The following GCSH variants were observed in gnomAD, a reference collection of about 807,000 sequenced individuals.
GCSH encodes the protein glycine cleavage system protein H, also known as glycine cleavage system H protein, mitochondrial.
GCSH carries 15 observed loss-of-function variants against 21.3 expected under a neutral mutation model. The ratio of observed to expected loss-of-function variants is 0.70; its 90% confidence interval spans 0.47 to 1.08. The LOEUF is 1.08. Ranked by LOEUF, GCSH falls within the 50% of genes least tolerant of loss-of-function variation. GCSH has a pLI of 0.00. For synonymous variants in GCSH, 59 were observed against 84.5 expected, an observed-to-expected ratio of 0.70 and a Z score of 1.66; for missense variants, 179 against 217.5, an observed-to-expected ratio of 0.82 and a Z score of 1.11.
chr16:81,087,650 A>G lies in GCSH; in HGVS notation c.243T>C (p.Asp81=). 1 of 1,611,590 alleles carries G rather than the reference A, an allele frequency of 6.2e-7. No homozygotes were observed. Among genetic ancestry groups the G allele is most frequent in the Non-Finnish European group, 8.5e-7 (1 of 1,177,892 alleles). Reference sequence around the variant, plus strand: ...CTTCAGGGAGACTACAATAAACAACATCTCCCAACGCTTCCTAAATAAAAC... The same window carrying G: ...CTTCAGGGAGACTACAATAAACAACGTCTCCCAACGCTTCCTAAATAAAAC... ...ISNFAQEALG[D]VVYCSLPEVG... The change falls in exon 3 of 5, where the codon GAT becomes GAC. Residue 81 remains aspartate (D), a synonymous_variant. Transcript: ENST00000315467.
intron 2 of GCSH, among the ~76,000 whole-genome samples, chr16:81,088,785 T>G (rs867830548): frequency 2.0e-5 from 3 of 152,148 alleles, no homozygotes; most frequent in Admixed American, 6.6e-5. Flanking sequence ...CCCAAAGCAT[T>G]TGCTGAAATC....
At chr16:81,085,885 G>A (rs1182896425) in intron 3 of GCSH, among the ~76,000 whole-genome samples, 167 of 412 alleles carry the variant, frequency 0.41, 24 homozygotes, top group East Asian at 1. Context: ...GGCCGGGCGC[G>A]GTGGCTCACG....
Position 81,096,380 on chromosome 16 carries a change from G to T in GCSH, c.-102C>A. The T allele has an allele frequency of 1.0e-6, 1 of 961,306 alleles. No individual in the cohort carries two copies. The highest frequency in any genetic ancestry group is 1.4e-6 in the Non-Finnish European group (1 of 718,828). The allele number at this position is 961,306 out of a possible 1,614,324, so 59.5% of individuals were successfully genotyped here. A position where few individuals can be genotyped will look rare whatever the true frequency, so the allele number is the denominator to read the frequency against. ...GCGGCCGGAGGGAGCCGGCTGGATGGAGGCGCGGAGGCGGTGCCGCGGGGG... is the reference window on the plus strand; with the variant it reads ...GCGGCCGGAGGGAGCCGGCTGGATGTAGGCGCGGAGGCGGTGCCGCGGGGG... On this transcript the variant is annotated 5_prime_UTR_variant, in exon 1 of 5. Transcript: ENST00000315467.
intron 2 of GCSH, among the ~76,000 whole-genome samples, chr16:81,089,156 C>T (rs191903521): frequency 1.3e-5 from 2 of 152,324 alleles, no homozygotes; most frequent in East Asian, 3.9e-4. Context: ...CAACAGACCA[C>T]ATATATGACA....
intron 1 of GCSH, among the ~76,000 whole-genome samples, chr16:81,093,111 A>C (rs1463530379): frequency 6.6e-6 from 1 of 151,684 alleles, no homozygotes; most frequent in Non-Finnish European, 1.5e-5. Context: ...GCGACTAGCG[A>C]AACTTCATCT....
chr16:81,090,088 C>G (rs1363670450), intron 2 of GCSH, among the ~76,000 whole-genome samples: 1 of 150,786 alleles, frequency 6.6e-6, no homozygotes, highest in Non-Finnish European at 1.5e-5. Context: ...TTCTTACTTT[C>G]TTTCTTTCTT....
intron 1 of GCSH, among the ~76,000 whole-genome samples, chr16:81,094,800 G>A (rs5023852): frequency 0.87 from 131,851 of 152,146 alleles, 57,655 homozygotes; most frequent in South Asian, 0.97. Flanking sequence ...ACATTTGGGC[G>A]TAAAGAAAAT....
At chr16:81,087,705 ATAAC>A (rs764875240) in intron 2 of GCSH, 41 bp from the exon 3 acceptor site, 1 of 1,353,540 alleles carries the variant, frequency 7.4e-7, no homozygotes, top group Non-Finnish European at 1.1e-6. Flanking sequence ...CTAAGAAGTT[ATAAC>A]TAAACCCTCC....
In GCSH at chr16:81,082,445, A is replaced by T. The variant is rs8177956; in HGVS notation, c.*421T>A. The T allele has an allele frequency of 1.2e-3, 462 of 390,666 alleles. 1 individual carries two copies. Among genetic ancestry groups the T allele is most frequent in the Admixed American group, 2.1e-3 (64 of 30,554 alleles). 24.2% of individuals were successfully genotyped at this position (390,666 alleles called of 1,614,324 possible). A position where few individuals can be genotyped will look rare whatever the true frequency, so the allele number is the denominator to read the frequency against. On this transcript the variant is annotated 3_prime_UTR_variant, in exon 5 of 5. Transcript: ENST00000315467. ...TGGTGTTCCTCATCTGACACTGTACAAGCAACAAAACCTCTTCACTTCCAG... is the reference window on the plus strand; with the variant it reads ...TGGTGTTCCTCATCTGACACTGTACTAGCAACAAAACCTCTTCACTTCCAG...
rs561123581 is a variant in GCSH, at chr16:81,096,304, C to A, written c.-26G>T. 4 of 1,354,714 alleles carry A rather than the reference C, an allele frequency of 3.0e-6. No individual in the cohort carries two copies. The highest frequency in any genetic ancestry group is 3.8e-6 in the Non-Finnish European group (4 of 1,059,448). The allele number at this position is 1,354,714 out of a possible 1,614,324, so 83.9% of individuals were successfully genotyped here. A position where few individuals can be genotyped will look rare whatever the true frequency, so the allele number is the denominator to read the frequency against. On this transcript the variant is annotated 5_prime_UTR_variant, in exon 1 of 5. Transcript: ENST00000315467. ...GTTCGCAGGGGTGCGGGGGTCGCAG[C>A]GCTACGCCTCGGCCACCCGCGCCGG...
At chr16:81,094,206 T>C (rs188352223) in intron 1 of GCSH, among the ~76,000 whole-genome samples, 1 of 152,314 alleles carries the variant, frequency 6.6e-6, no homozygotes, top group Admixed American at 6.5e-5. Context: ...GGACAATAAT[T>C]ACTTTCTAAC....
intron 2 of GCSH, among the ~76,000 whole-genome samples, 196 bp from the exon 3 acceptor site, chr16:81,087,860 ACGC>A (rs1972315414): frequency 6.6e-6 from 1 of 152,190 alleles, no homozygotes; most frequent in Non-Finnish European, 1.5e-5. Context: ...GTGGTAGTTC[ACGC>A]CTGTAATCCC....
At chr16:81,094,515 A>G (rs1567590744) in intron 1 of GCSH, among the ~76,000 whole-genome samples, 1 of 149,114 alleles carries the variant, frequency 6.7e-6, no homozygotes, top group African/African-American at 2.5e-5. Context: ...AAAAAAGAAG[A>G]AAAAAAAAAG....
chr16:81,085,012 GC>G (rs1972244116), intron 3 of GCSH, among the ~76,000 whole-genome samples: 2 of 93,816 alleles, frequency 2.1e-5, no homozygotes, highest in African/African-American at 8.5e-5. Flanking sequence ...ACTGCACCTG[GC>G]TCTTTTTTTT....
chr16:81,091,767 T>A (rs1363534922), intron 1 of GCSH, among the ~76,000 whole-genome samples: 1 of 152,022 alleles, frequency 6.6e-6, no homozygotes, highest in Non-Finnish European at 1.5e-5. Context: ...ACAACGTAAG[T>A]AGAGTGTATA....
intron 1 of GCSH, among the ~76,000 whole-genome samples, chr16:81,093,151 G>A (rs1054997053): frequency 4.6e-5 from 7 of 151,508 alleles, no homozygotes; most frequent in African/African-American, 1.7e-4. Context: ...GTTGCAGAAT[G>A]ACGTGATTTT....
chr16:81,092,919 G>C (rs1374091432), intron 1 of GCSH, among the ~76,000 whole-genome samples: 1 of 151,832 alleles, frequency 6.6e-6, no homozygotes, highest in Non-Finnish European at 1.5e-5. Flanking sequence ...ATCACCTGAC[G>C]TAAGGAGGTC....
intron 1 of GCSH, chr16:81,091,117 A>T (rs1972389727): frequency 2.2e-6 from 1 of 454,536 alleles, no homozygotes; most frequent in African/African-American, 2.0e-5. Context: ...CCTAAAAAAA[A>T]AAATAACAGT....
intron 2 of GCSH, among the ~76,000 whole-genome samples, chr16:81,089,417 T>G (rs749468814): frequency 1.5e-4 from 23 of 151,940 alleles, no homozygotes; most frequent in South Asian, 6.2e-4. Context: ...ATTTTTACTG[T>G]ACCTTTTCTG....
Sources: gnomAD v4.1 joint callset for allele counts (sites outside exome capture counted in the v4.1 genomes callset) on GRCh38, gnomAD v4.1.1 for gene constraint, MANE v1.5 for transcripts, NCBI Gene and HGNC (gene_info 2026-07-23, HGNC 2026-07-21) for gene names.